KATNIP: variants seen among roughly 807,000 people sequenced by gnomAD.
KATNIP encodes katanin interacting protein, also known as katanin-interacting protein.
KATNIP carries 126 observed loss-of-function variants against 174.0 expected under a neutral mutation model. The observed-to-expected ratio is 0.72, with a 90% confidence interval of 0.63 to 0.84. The LOEUF is 0.84. Ranked by LOEUF, KATNIP falls within the 40% of genes least tolerant of loss-of-function variation. The pLI is 0.00. For missense variants in KATNIP, 1,958 were observed against 2,109.7 expected (o/e 0.93, Z 1.41); for synonymous variants, 810 against 835.7 (o/e 0.97, Z 0.53).
intron 14 of KATNIP, among the ~76,000 whole-genome samples, chr16:27,731,722 G>A (rs917817310): frequency 1.5e-4 from 23 of 151,814 alleles, no homozygotes; most frequent in African/African-American, 4.8e-4. Flanking sequence ...GGGTTCAAGC[G>A]ATTCTCCTGC....
At position 27,654,583 on chromosome 16, in the gene KATNIP, C is replaced by T. The variant is rs1466893281; in HGVS notation, c.540+5848C>T. ...GGGACAGGAAGTTGTTTTTACCATG[C>T]CCAGTTTTCTGTGCTTGTCCCTAGG... On this transcript the variant is annotated intron_variant, in intron 6 of 27. Transcript: ENST00000261588. The T allele has an allele frequency of 2.2e-6, 3 of 1,351,760 alleles. No individual in the cohort carries two copies. In the African/African-American group the frequency reaches 4.4e-5, roughly 20 times the overall value. 83.7% of individuals were successfully genotyped at this position (1,351,760 alleles called of 1,614,324 possible). A position where few individuals can be genotyped will look rare whatever the true frequency, so the allele number is the denominator to read the frequency against.
chr16:27,750,242 G>GTC lies in KATNIP; in HGVS notation c.3282_3283insTC (p.Leu1095SerfsTer3). The GTC allele has an allele frequency of 1.2e-6, 2 of 1,614,128 alleles. No individual in the cohort carries two copies. The highest frequency in any genetic ancestry group is 1.7e-6 in the Non-Finnish European group (2 of 1,180,014). ...TCCGAGGCGTGAAGGACATCACAAT[G>GTC]CTGTTAGACACCCAGTGCATCTTTG... On this transcript the variant is annotated frameshift_variant, in exon 16 of 28. Transcript: ENST00000261588. LOFTEE classifies it high-confidence loss of function.
At chr16:27,766,930 A>G (rs1310108271) in intron 20 of KATNIP, among the ~76,000 whole-genome samples, 1 of 152,194 alleles carries the variant, frequency 6.6e-6, no homozygotes, top group Non-Finnish European at 1.5e-5. Flanking sequence ...CCAAGGCCAC[A>G]CAGCTGGAGT....
At chr16:27,709,110 G>A (rs2079453851) in intron 13 of KATNIP, 190 bp downstream of exon 13, 3 of 535,278 alleles carry the variant, frequency 5.6e-6, no homozygotes, top group South Asian at 5.1e-5. Flanking sequence ...TTTGAGGTCA[G>A]GAGTTCAAGA....
chr16:27,776,644 A>C lies in KATNIP; in HGVS notation c.4450-284A>C, dbSNP rs2082508381. Among the ~76,000 whole-genome samples, 1 of 152,138 alleles carries C rather than the reference A, an allele frequency of 6.6e-6. No homozygotes were observed. The highest frequency in any genetic ancestry group is 2.1e-4 in the South Asian group (1 of 4,816). On this transcript the variant is annotated intron_variant, in intron 24 of 27. Transcript: ENST00000261588. This position sits in a 1 kb window ranked among gnomAD's most constrained non-coding sequence, Gnocchi z 4.7. ...GAGGGGACGTGGGGGAGGGCCGAGGATGTTCCCAATCCTCCACTGGCATTT... is the reference window on the plus strand; with the variant it reads ...GAGGGGACGTGGGGGAGGGCCGAGGCTGTTCCCAATCCTCCACTGGCATTT...
At chr16:27,690,944 CTTTT>C (rs922082668) in intron 8 of KATNIP, among the ~76,000 whole-genome samples, 1 of 150,974 alleles carries the variant, frequency 6.6e-6, no homozygotes, top group Non-Finnish European at 1.5e-5. Flanking sequence ...GGTGGATTTC[CTTTT>C]TTTTTGAGCT....
chr16:27,641,092 C>T (rs1326335409), intron 5 of KATNIP, among the ~76,000 whole-genome samples: 1 of 151,046 alleles, frequency 6.6e-6, no homozygotes, highest in Non-Finnish European at 1.5e-5. Flanking sequence ...GAGCTGAGAT[C>T]GCGCCATTGC....
chr16:27,667,641 G>C (rs1442634127), intron 6 of KATNIP, among the ~76,000 whole-genome samples: 1 of 152,142 alleles, frequency 6.6e-6, no homozygotes, highest in East Asian at 1.9e-4. Context: ...CAAGACTGCT[G>C]CTAGCTCTTG....
rs1315994805 is a variant in KATNIP at position 27,671,661 on chromosome 16, C to T, written c.541-6068C>T. ...TGTCCCCACCTCTGCTGCCACCTTC[C>T]TCTTTCACCTGCAACTGCAGCAAAG... is the stretch of plus-strand genomic sequence containing the variant. On this transcript the variant is annotated intron_variant, in intron 6 of 27. Coordinates refer to ENST00000261588, the MANE Select transcript of KATNIP (RefSeq NM_015202.5). 4.6e-5 allele frequency among the ~76,000 whole-genome samples: 7 copies of T among 152,214 alleles called. No individual in the cohort carries two copies. In the East Asian group the frequency reaches 1.3e-3, roughly 29 times the overall value.
chr16:27,687,675 A>G (rs150118455), intron 8 of KATNIP, among the ~76,000 whole-genome samples: 226 of 152,328 alleles, frequency 1.5e-3, no homozygotes, highest in African/African-American at 4.8e-3. Flanking sequence ...GGGTGAAAGA[A>G]CATTAGTCTT....
chr16:27,679,706 C>G (rs1218953610), intron 7 of KATNIP, among the ~76,000 whole-genome samples: 1 of 147,670 alleles, frequency 6.8e-6, no homozygotes, highest in Non-Finnish European at 1.5e-5. Flanking sequence ...GAGCCGTGAT[C>G]GTGCCACTGC....
intron 17 of KATNIP, among the ~76,000 whole-genome samples, chr16:27,752,821 T>C (rs2143845901): frequency 6.6e-6 from 1 of 152,276 alleles, no homozygotes; most frequent in East Asian, 1.9e-4. Context: ...CCCAAAGTGC[T>C]GGGATTACAG....
chr16:27,751,035 C>T (rs899716917), intron 16 of KATNIP, among the ~76,000 whole-genome samples: 14 of 152,044 alleles, frequency 9.2e-5, no homozygotes, highest in African/African-American at 3.4e-4. Context: ...GCCACAGACC[C>T]GGTCCACTCA....
chr16:27,708,685 T>A lies in KATNIP; in HGVS notation c.1390-20T>A. ...CCTGTCATGACTTAATCCTTTGGTG[T>A]TATTTTTCTCTTCTTTAAGGACAAA... On this transcript the variant is annotated intron_variant, in intron 12 of 27. Transcript: ENST00000261588. 6.3e-7 allele frequency: 1 copy of A among 1,590,130 alleles called. No homozygotes were observed. The highest frequency in any genetic ancestry group is 8.6e-7 in the Non-Finnish European group (1 of 1,161,934).
intron 17 of KATNIP, among the ~76,000 whole-genome samples, chr16:27,752,330 T>C (rs893405985): frequency 2.0e-5 from 3 of 152,146 alleles, no homozygotes; most frequent in Non-Finnish European, 4.4e-5. Context: ...ATCACAGCCA[T>C]GGTTTCATGA....
chr16:27,702,108 C>T (rs1210921749), intron 11 of KATNIP, among the ~76,000 whole-genome samples: 5 of 152,194 alleles, frequency 3.3e-5, no homozygotes, highest in Admixed American at 2.0e-4. Flanking sequence ...TTCCTTTAGA[C>T]TATACTCTGT....
At chr16:27,758,974 A>G (rs1314450703) in intron 18 of KATNIP, among the ~76,000 whole-genome samples, 2 of 152,260 alleles carry the variant, frequency 1.3e-5, no homozygotes, top group Non-Finnish European at 2.9e-5. Context: ...GTTCTGGTAC[A>G]CAGTAGATGA....
intron 2 of KATNIP, among the ~76,000 whole-genome samples, chr16:27,604,070 T>C (rs1040276757): frequency 3.9e-5 from 6 of 152,230 alleles, no homozygotes; most frequent in Non-Finnish European, 2.9e-5. Context: ...ATAGCACTTA[T>C]TGTCAGGTGA....
chr16:27,616,368 A>G (rs1323698482), intron 2 of KATNIP, among the ~76,000 whole-genome samples: 1 of 152,096 alleles, frequency 6.6e-6, no homozygotes, highest in Non-Finnish European at 1.5e-5. Context: ...ATTTCAAAGA[A>G]AAAAAGAAAA....
Sources: allele counts gnomAD v4.1 joint callset (sites outside exome capture counted in the v4.1 genomes callset), GRCh38; gene constraint gnomAD v4.1.1; non-coding constraint Gnocchi (gnomAD v3.1); transcripts MANE v1.5; gene names NCBI Gene and HGNC (gene_info 2026-07-23, HGNC 2026-07-21).